Variants in CAST observed in about 807,000 individuals in gnomAD.
The protein encoded by CAST is calpastatin.
Under a neutral mutation model 119.6 loss-of-function variants are expected in CAST, and 76 were observed. That is an observed-to-expected ratio of 0.64 (90% CI 0.53 to 0.77). The LOEUF is 0.77. CAST is among the 30% of genes least tolerant of loss of function. The pLI is 0.00. For missense variants in CAST, 953 were observed against 946.5 expected, an observed-to-expected ratio of 1.01 and a Z score of -0.09; for synonymous variants, 319 against 331.6, an observed-to-expected ratio of 0.96 and a Z score of 0.41.
chr5:96,332,748 T>A, the CAST span, among the ~76,000 whole-genome samples: 1 of 152,136 alleles, frequency 6.6e-6, no homozygotes, highest in Non-Finnish European at 1.5e-5. Context: ...CTGCATAGGT[T>A]CCTTAGCAGC....
At chr5:96,518,848 A>G in the CAST span, among the ~76,000 whole-genome samples, 1 of 152,104 alleles carries the variant, frequency 6.6e-6, no homozygotes, top group East Asian at 1.9e-4. Flanking sequence ...CCCCATTTCT[A>G]CTAAAAATAT....
At chr5:96,484,309 C>T in the CAST span, among the ~76,000 whole-genome samples, 2 of 152,270 alleles carry the variant, frequency 1.3e-5, no homozygotes, top group Non-Finnish European at 2.9e-5. Context: ...TTTAGCATAG[C>T]TAATGATTTC....
the CAST span, among the ~76,000 whole-genome samples, chr5:96,223,570 G>C: frequency 6.6e-6 from 1 of 152,136 alleles, no homozygotes; most frequent in East Asian, 1.9e-4. Flanking sequence ...TCTTTGGAGG[G>C]ACCATGGCCT....
At chr5:96,207,347 G>A in the CAST span, among the ~76,000 whole-genome samples, 5 of 152,040 alleles carry the variant, frequency 3.3e-5, no homozygotes, top group African/African-American at 7.2e-5. Flanking sequence ...TGTTGAATAA[G>A]AGTGGTGAAA....
the CAST span, chr5:96,408,133 C>T: frequency 2.2e-6 from 2 of 907,026 alleles, no homozygotes; most frequent in Non-Finnish European, 3.6e-6. Flanking sequence ...CAAAATTTCT[C>T]CTGTAACCAT....
the CAST span, among the ~76,000 whole-genome samples, chr5:96,139,545 T>C: frequency 1.2e-5 from 1 of 84,338 alleles, no homozygotes; most frequent in Non-Finnish European, 2.5e-5. Context: ...TATATATGTA[T>C]ATGTATATAT....
chr5:96,050,434 G>A, the CAST span, among the ~76,000 whole-genome samples: 1 of 152,014 alleles, frequency 6.6e-6, no homozygotes, highest in African/African-American at 2.4e-5. Context: ...ACCAGAAAAG[G>A]GGGGGTCAAT....
the CAST span, among the ~76,000 whole-genome samples, chr5:96,357,038 G>C: frequency 6.6e-6 from 1 of 152,092 alleles, no homozygotes; most frequent in African/African-American, 2.4e-5. Flanking sequence ...TCCTTGAAGA[G>C]GTCCTTCACA....
the CAST span, among the ~76,000 whole-genome samples, chr5:96,396,378 T>C: frequency 6.6e-6 from 1 of 152,054 alleles, no homozygotes; most frequent in Non-Finnish European, 1.5e-5. Context: ...CTGACCAACA[T>C]GGTGAAACCC....
chr5:96,410,688 G>A, the CAST span: 31 of 1,076,536 alleles, frequency 2.9e-5, no homozygotes, highest in East Asian at 4.7e-5. Flanking sequence ...CGAATCAGTC[G>A]TACCAAAGGT....
chr5:96,491,364 G>A, the CAST span, among the ~76,000 whole-genome samples: 6 of 150,108 alleles, frequency 4.0e-5, no homozygotes, highest in African/African-American at 4.9e-5. Flanking sequence ...GGTGGCGGGC[G>A]CCTGTAGTCC....
intron 29 of CAST, 68 bp from the exon 30 acceptor site, chr5:96,770,463 C>G: frequency 2.1e-6 from 2 of 941,638 alleles, no homozygotes; most frequent in South Asian, 2.6e-5. Flanking sequence ...ATTAATTTAA[C>G]TGCAGCCTAG....
chr5:96,520,631 C>T (rs952773455), upstream of CAST, among the ~76,000 whole-genome samples: 5 of 151,828 alleles, frequency 3.3e-5, no homozygotes, highest in Admixed American at 2.6e-4. Context: ...GTGTGTGCTC[C>T]CTGCATAACC....
chr5:96,734,545 A>T (rs76663178), intron 9 of CAST, among the ~76,000 whole-genome samples: 1,851 of 152,364 alleles, frequency 0.012, 36 homozygotes, highest in South Asian at 0.033. Context: ...AATGATTGAC[A>T]GAAGTGGGCA....
At chr5:96,290,879 C>A in the CAST span, among the ~76,000 whole-genome samples, 1 of 152,166 alleles carries the variant, frequency 6.6e-6, no homozygotes, top group African/African-American at 2.4e-5. Flanking sequence ...GTAGGCTTTA[C>A]GTGTGTAATC....
intron 1 of CAST, among the ~76,000 whole-genome samples, chr5:96,551,904 C>T (rs1026090534): frequency 5.9e-5 from 9 of 152,034 alleles, no homozygotes; most frequent in East Asian, 3.8e-4. Context: ...AGAGGAGCAC[C>T]GCGATTCATA....
chr5:95,990,977 C>G, the CAST span, among the ~76,000 whole-genome samples: 1 of 152,140 alleles, frequency 6.6e-6, no homozygotes, highest in South Asian at 2.1e-4. Flanking sequence ...CCTTCTAACT[C>G]TAATTAGTGT....
At chr5:96,575,615 T>C (rs1746655743) in intron 1 of CAST, among the ~76,000 whole-genome samples, 1 of 152,020 alleles carries the variant, frequency 6.6e-6, no homozygotes, top group Admixed American at 6.6e-5. Flanking sequence ...GAGCATTGGA[T>C]TTTTTCAAAT....
At chr5:96,451,542 A>G in the CAST span, among the ~76,000 whole-genome samples, 6 of 152,252 alleles carry the variant, frequency 3.9e-5, no homozygotes, top group Admixed American at 6.5e-5. Context: ...TAAAAACCCT[A>G]GAAGAAATCC....
Sources: gnomAD v4.1 joint callset for allele counts (sites outside exome capture counted in the v4.1 genomes callset) on GRCh38, gnomAD v4.1.1 for gene constraint, MANE v1.5 for transcripts, NCBI Gene and HGNC (gene_info 2026-07-23, HGNC 2026-07-21) for gene names.